ACACA: variants seen among roughly 807,000 people sequenced by gnomAD.
The protein encoded by ACACA is acetyl-CoA carboxylase alpha.
A neutral mutation model predicts 296.1 loss-of-function variants in ACACA; 103 were observed. The observed-to-expected ratio is 0.35, with a 90% CI of 0.30 to 0.41. The LOEUF is 0.41. Ranked by LOEUF, ACACA falls within the 10% of genes least tolerant of loss-of-function variation. The pLI is 1.00. For missense variants in ACACA, 1,554 were observed against 2,989.7 expected (o/e 0.52, Z 11.20); for synonymous variants, 953 against 1,038.6 (o/e 0.92, Z 1.58).
chr17:37,101,543 C>T (rs558358722), intron 52 of ACACA, among the ~76,000 whole-genome samples: 2 of 152,312 alleles, frequency 1.3e-5, no homozygotes, highest in Admixed American at 1.3e-4. Flanking sequence ...AGAGCCAAGA[C>T]TCAAATGCAG....
At chr17:37,291,080 C>CAA (rs57643200) in intron 3 of ACACA, among the ~76,000 whole-genome samples, 355 of 85,118 alleles carry the variant, frequency 4.2e-3, no homozygotes, top group Non-Finnish European at 5.4e-3. Context: ...GACTCTGTCT[C>CAA]AAAAAAAAAA....
intron 42 of ACACA, among the ~76,000 whole-genome samples, chr17:37,156,064 T>C (rs1598000704): frequency 7.3e-6 from 1 of 136,688 alleles, no homozygotes; most frequent in Admixed American, 7.1e-5. Flanking sequence ...TTTTTTTTTT[T>C]TTTTTTTTTT....
chr17:37,384,822 T>G (rs1046707732), intron 1 of ACACA, among the ~76,000 whole-genome samples: 1 of 152,236 alleles, frequency 6.6e-6, no homozygotes, highest in Admixed American at 6.5e-5. Flanking sequence ...CCTGGTACTA[T>G]GGCCACTGGC....
chr17:37,277,549 C>T (rs189821490), intron 6 of ACACA, among the ~76,000 whole-genome samples: 42 of 152,298 alleles, frequency 2.8e-4, no homozygotes, highest in Non-Finnish European at 3.2e-4. Context: ...CTTACTAACA[C>T]AATGTGACAG....
At chr17:37,162,371 G>C (rs1223503931) in intron 41 of ACACA, among the ~76,000 whole-genome samples, 1 of 152,160 alleles carries the variant, frequency 6.6e-6, no homozygotes, top group Non-Finnish European at 1.5e-5. Flanking sequence ...ATTAAATCTA[G>C]ATATCTCATT....
chr17:37,389,543 T>C (rs2050697862), intron 1 of ACACA, among the ~76,000 whole-genome samples: 1 of 151,812 alleles, frequency 6.6e-6, no homozygotes, highest in African/African-American at 2.4e-5. Context: ...AATACAAAAA[T>C]TAGCCAGGTG....
rs1232687330 is a variant in ACACA, at chr17:37,097,855, C to T, written c.6695G>A (p.Arg2232Gln). The change falls in exon 53 of 56, where the codon CGG (arginine) becomes CAG (glutamine). Residue 2232 changes from arginine (R) to glutamine (Q), a missense_variant. Arg to Gln is a conservative substitution (Grantham distance 43, BLOSUM62 1). Coordinates refer to ENST00000616317, the MANE Select transcript of ACACA (RefSeq NM_198834.3). The surrounding 1 kb of genome is among the most constrained non-coding windows in gnomAD (Gnocchi z 4.8). ...GCTAATAACACCCTTCTCCTGCATC[C>T]GGCCTGGTGTGTCGTGCAAGTCAGC... The part of the protein sequence containing the change: ...QFADLHDTPG[R>Q]MQEKGVISDI... 6.2e-7 allele frequency: 1 copy of T among 1,614,178 alleles called. No individual in the cohort carries two copies. The highest frequency in any genetic ancestry group is 8.5e-7 in the Non-Finnish European group (1 of 1,180,046).
chr17:37,288,337 G>T (rs955553482), intron 3 of ACACA, among the ~76,000 whole-genome samples: 4 of 152,020 alleles, frequency 2.6e-5, no homozygotes, highest in African/African-American at 9.7e-5. Flanking sequence ...CATTATCAGT[G>T]TATCAGACTG....
intron 3 of ACACA, among the ~76,000 whole-genome samples, chr17:37,296,982 G>T (rs1268102873): frequency 1.2e-4 from 18 of 151,726 alleles, no homozygotes; most frequent in Non-Finnish European, 1.5e-5. Context: ...CTCCCAAAGT[G>T]CTGAGGTTAC....
intron 24 of ACACA, among the ~76,000 whole-genome samples, chr17:37,236,765 C>T (rs1174945463): frequency 6.6e-6 from 1 of 152,136 alleles, no homozygotes; most frequent in African/African-American, 2.4e-5. Context: ...GCAGAAGTTG[C>T]AGTGAGCAGA....
At chr17:37,403,823 G>A (rs1292887722) in intron 1 of ACACA, among the ~76,000 whole-genome samples, 1 of 152,050 alleles carries the variant, frequency 6.6e-6, no homozygotes, top group Non-Finnish European at 1.5e-5. Flanking sequence ...CTGTTGAACA[G>A]GCTGGAGGGC....
chr17:37,156,359 G>A (rs189186836), intron 42 of ACACA, among the ~76,000 whole-genome samples: 38 of 152,100 alleles, frequency 2.5e-4, no homozygotes, highest in Non-Finnish European at 1.5e-5. Context: ...CACTGCTCCC[G>A]GCCTCATTTC....
intron 45 of ACACA, among the ~76,000 whole-genome samples, chr17:37,145,836 C>T (rs1567719182): frequency 1.3e-5 from 2 of 152,202 alleles, no homozygotes; most frequent in Non-Finnish European, 2.9e-5. Flanking sequence ...CTTAGTAACA[C>T]TCAATAAAAT....
At chr17:37,291,213 T>C (rs2083048944) in intron 3 of ACACA, among the ~76,000 whole-genome samples, 1 of 150,812 alleles carries the variant, frequency 6.6e-6, no homozygotes, top group Non-Finnish European at 1.5e-5. Flanking sequence ...TTCGCTCTTG[T>C]TGCCCAGGCT....
chr17:37,404,463 C>T (rs2051396138), intron 1 of ACACA, among the ~76,000 whole-genome samples: 1 of 152,078 alleles, frequency 6.6e-6, no homozygotes, highest in South Asian at 2.1e-4. Flanking sequence ...ATCCATCCTC[C>T]TGCCTCAGTC....
At chr17:37,318,210 G>A (rs1034281027) in intron 3 of ACACA, among the ~76,000 whole-genome samples, 2 of 152,094 alleles carry the variant, frequency 1.3e-5, no homozygotes, top group Non-Finnish European at 2.9e-5. Flanking sequence ...TAGATAGGAA[G>A]CAGGAATAAA....
rs1176441249 is a variant in ACACA at position 37,130,087 on chromosome 17, A to G, written c.5811T>C (p.Ser1937=). The change falls in exon 46 of 56, where the codon TCT becomes TCC. Residue 1937 remains serine (S), a synonymous_variant. Transcript: ENST00000616317. ...EGVFTVLHWL[S]YMPKSVHSSV... ...AGGAAGGGCTCACCTTGGGCATGTA[A>G]GACAGCCAGTGCAGGACAGTGAAAA... The G allele has an allele frequency of 1.9e-6, 3 of 1,614,036 alleles. No homozygotes were observed. Among genetic ancestry groups the G allele is most frequent in the Non-Finnish European group, 2.5e-6 (3 of 1,180,014 alleles).
At chr17:37,196,813 T>C (rs543061100) in intron 35 of ACACA, among the ~76,000 whole-genome samples, 1 of 152,166 alleles carries the variant, frequency 6.6e-6, no homozygotes. Flanking sequence ...TTCAAGACTT[T>C]GATCTTTTTT....
In ACACA at chr17:37,129,488, A is replaced by G; in HGVS notation, c.5824-3T>C. ...AGAGGAACTGAACTGTGCACGCTCT[A>G]AAAGGAGATTGGAAGAGAGCACAGC... On this transcript the variant is annotated splice_polypyrimidine_tract_variant and splice_region_variant and intron_variant, in intron 46 of 55. Coordinates refer to ENST00000616317, the MANE Select transcript of ACACA (RefSeq NM_198834.3). The G allele has an allele frequency of 6.2e-7, 1 of 1,613,914 alleles. No individual in the cohort carries two copies. Among genetic ancestry groups the G allele is most frequent in the East Asian group, 2.2e-5 (1 of 44,872 alleles).
Sources: allele counts gnomAD v4.1 joint callset (sites outside exome capture counted in the v4.1 genomes callset), GRCh38; gene constraint gnomAD v4.1.1; non-coding constraint Gnocchi (gnomAD v3.1); transcripts MANE v1.5; gene names NCBI Gene and HGNC (gene_info 2026-07-23, HGNC 2026-07-21).